DLGAP2: variants seen among roughly 807,000 people sequenced by gnomAD.
DLGAP2 encodes the protein disks large-associated protein 2.
A neutral mutation model predicts 100.3 loss-of-function variants in DLGAP2; 26 were observed. That is an observed-to-expected ratio of 0.26 (90% CI 0.19 to 0.36). DLGAP2 has a LOEUF of 0.36. Among genes scored for constraint, DLGAP2 ranks in the 10% least tolerant of loss-of-function variants. The pLI, the probability that DLGAP2 is intolerant of heterozygous loss-of-function variation, is 1.00. For synonymous variants in DLGAP2, 886 were observed against 630.1 expected (o/e 1.41, Z -6.08); for missense variants, 1,858 against 1,453.2 (o/e 1.28, Z -4.53).
chr8:1,585,995 A>G (rs1441602172), intron 6 of DLGAP2, among the ~76,000 whole-genome samples: 3 of 152,368 alleles, frequency 2.0e-5, no homozygotes, highest in East Asian at 3.9e-4. Context: ...CACTGCACGC[A>G]TTACTGTACA....
chr8:799,836 G>T (rs1363878478), intron 1 of DLGAP2, among the ~76,000 whole-genome samples: 1 of 152,172 alleles, frequency 6.6e-6, no homozygotes, highest in African/African-American at 2.4e-5. Context: ...GGCTCAGGTG[G>T]TCCTCCTACC....
At chr8:1,145,937 A>G (rs556851822) in intron 2 of DLGAP2, among the ~76,000 whole-genome samples, 37 of 152,006 alleles carry the variant, frequency 2.4e-4, no homozygotes, top group African/African-American at 8.4e-4. Flanking sequence ...TACAAAGGAC[A>G]TGAACTCATC....
At chr8:1,495,920 G>A (rs762095876) in intron 3 of DLGAP2, among the ~76,000 whole-genome samples, 72 of 152,180 alleles carry the variant, frequency 4.7e-4, no homozygotes, top group Non-Finnish European at 9.1e-4. Flanking sequence ...AGCCTGTCCC[G>A]AGAGCCTCTG....
At chr8:786,177 T>C (rs1821858422) in intron 1 of DLGAP2, among the ~76,000 whole-genome samples, 3 of 152,144 alleles carry the variant, frequency 2.0e-5, no homozygotes, top group African/African-American at 7.2e-5. Context: ...CAGGCGTCCT[T>C]GCCCCTCTTC....
chr8:1,296,648 A>G (rs573310537), intron 3 of DLGAP2, among the ~76,000 whole-genome samples: 18 of 152,202 alleles, frequency 1.2e-4, no homozygotes, highest in Non-Finnish European at 2.2e-4. Flanking sequence ...TGGACGTGGA[A>G]TTTTGGCAAA....
intron 2 of DLGAP2, among the ~76,000 whole-genome samples, chr8:1,124,004 G>A (rs1249351849): frequency 6.7e-6 from 1 of 148,740 alleles, no homozygotes; most frequent in Non-Finnish European, 1.5e-5. Context: ...GAGGAAGTGA[G>A]AGCGTGGTAT....
At chr8:1,648,674 G>A (rs112026937) in intron 8 of DLGAP2, among the ~76,000 whole-genome samples, 1 of 152,146 alleles carries the variant, frequency 6.6e-6, no homozygotes, top group Non-Finnish European at 1.5e-5. Flanking sequence ...TTCTGCAGCT[G>A]CTCAGAGACC....
chr8:1,212,937 A>G (rs896759679), intron 2 of DLGAP2, among the ~76,000 whole-genome samples: 1 of 151,966 alleles, frequency 6.6e-6, no homozygotes, highest in Non-Finnish European at 1.5e-5. Flanking sequence ...CTTCATATAG[A>G]TCAGAAACAT....
chr8:1,583,347 C>T (rs7825056), intron 6 of DLGAP2, among the ~76,000 whole-genome samples: 9,710 of 152,222 alleles, frequency 0.064, 378 homozygotes, highest in African/African-American at 0.097. Flanking sequence ...TCAGATATTC[C>T]TCTGGCCCAT....
At chr8:1,513,328 G>A (rs1204949157) in intron 4 of DLGAP2, among the ~76,000 whole-genome samples, 2 of 151,518 alleles carry the variant, frequency 1.3e-5, no homozygotes, top group African/African-American at 2.4e-5. Context: ...GACGGGAGAG[G>A]CCACAGGCCA....
intron 1 of DLGAP2, among the ~76,000 whole-genome samples, chr8:750,143 C>G (rs1820753693): frequency 6.6e-6 from 1 of 152,236 alleles, no homozygotes; most frequent in Non-Finnish European, 1.5e-5. Context: ...CTGGGTCTCC[C>G]TAGGGCCGGT....
chr8:1,121,626 T>C (rs1796050414), intron 2 of DLGAP2, among the ~76,000 whole-genome samples: 1 of 151,920 alleles, frequency 6.6e-6, no homozygotes, highest in African/African-American at 2.4e-5. Context: ...CCCATCTTCA[T>C]CCCTTCAGAA....
At chr8:1,371,404 G>C (rs1049753333) in intron 3 of DLGAP2, among the ~76,000 whole-genome samples, 11 of 152,194 alleles carry the variant, frequency 7.2e-5, no homozygotes, top group African/African-American at 2.4e-4. Context: ...GAAGTCAGGC[G>C]TGGTTCCTGG....
chr8:1,553,000 G>C (rs548623143), intron 5 of DLGAP2, among the ~76,000 whole-genome samples: 2 of 152,296 alleles, frequency 1.3e-5, no homozygotes, highest in Admixed American at 6.5e-5. Context: ...CGGATTCGCC[G>C]TGGCTTAGCT....
At chr8:1,126,911 C>T (rs1418523509) in intron 2 of DLGAP2, among the ~76,000 whole-genome samples, 1 of 151,848 alleles carries the variant, frequency 6.6e-6, no homozygotes, top group East Asian at 2.0e-4. Context: ...CCTCCTGAGG[C>T]AGGGCCCTCG....
At chr8:1,325,266 A>T (rs940543318) in intron 3 of DLGAP2, among the ~76,000 whole-genome samples, 1 of 152,178 alleles carries the variant, frequency 6.6e-6, no homozygotes, top group African/African-American at 2.4e-5. Context: ...GAGATGTCCG[A>T]TGGTCTCACC....
intron 1 of DLGAP2, among the ~76,000 whole-genome samples, chr8:741,919 C>G (rs1415760298): frequency 6.6e-6 from 1 of 152,216 alleles, no homozygotes; most frequent in Non-Finnish European, 1.5e-5. Context: ...AGTGCACAGC[C>G]TTGCAGGGAT....
In DLGAP2 at chr8:938,027, C is replaced by G. The variant is rs549139747; in HGVS notation, c.73+30061C>G. 7.2e-5 allele frequency among the ~76,000 whole-genome samples: 11 copies of G among 152,270 alleles called. No individual in the cohort carries two copies. The South Asian group carries it at 2.3e-3, about 32-fold the overall frequency. On this transcript the variant is annotated intron_variant, in intron 2 of 14. Transcript: ENST00000637795. ...CCCTCTGGCCTTGTGTCTCAGACAA[C>G]TATTCCTTCCACACATATCTGCTGA...
intron 1 of DLGAP2, among the ~76,000 whole-genome samples, chr8:751,957 A>C (rs1050109840): frequency 2.0e-5 from 3 of 152,170 alleles, no homozygotes; most frequent in Non-Finnish European, 4.4e-5. Flanking sequence ...TCCTTATAGG[A>C]AGTTCATCTG....
Sources: allele counts gnomAD v4.1 joint callset (sites outside exome capture counted in the v4.1 genomes callset), GRCh38; gene constraint gnomAD v4.1.1; transcripts MANE v1.5; gene names NCBI Gene and HGNC (gene_info 2026-07-23, HGNC 2026-07-21).